The following SLC8A1 variants were observed in gnomAD, a reference collection of about 807,000 sequenced individuals.
SLC8A1 encodes sodium/calcium exchanger 1.
A neutral mutation model predicts 68.3 loss-of-function variants in SLC8A1; 18 were observed. That is an observed-to-expected ratio of 0.26 (90% CI 0.18 to 0.39). The LOEUF is 0.39. Ranked by LOEUF, SLC8A1 falls within the 10% of genes least tolerant of loss-of-function variation. The probability of loss-of-function intolerance (pLI) is 1.00; values close to 1 mark genes in which losing one functional copy is unlikely to be tolerated. For missense variants in SLC8A1, 985 were observed against 1,156.7 expected (o/e 0.85, Z 2.15); for synonymous variants, 475 against 415.5 (o/e 1.14, Z -1.74).
At chr2:40,465,112 G>A (rs190594502) in intron 1 of SLC8A1, among the ~76,000 whole-genome samples, 253 of 152,182 alleles carry the variant, frequency 1.7e-3, no homozygotes, top group Non-Finnish European at 2.9e-3. Flanking sequence ...CCACTCCCTC[G>A]GGGGCAATTT....
chr2:40,117,108 TTTG>T (rs1427548284), intron 7 of SLC8A1: 1 of 152,190 alleles, frequency 6.6e-6, no homozygotes, highest in Non-Finnish European at 1.5e-5. Flanking sequence ...AGAGGCTGTT[TTTG>T]TTGTTTTGGA....
At chr2:40,277,934 A>G (rs532150448) in intron 2 of SLC8A1, among the ~76,000 whole-genome samples, 1 of 151,534 alleles carries the variant, frequency 6.6e-6, no homozygotes, top group Non-Finnish European at 1.5e-5. Context: ...CATAACATAA[A>G]TATGTTGTTA....
At chr2:40,310,117 G>A (rs933579153) in intron 2 of SLC8A1, among the ~76,000 whole-genome samples, 1 of 152,150 alleles carries the variant, frequency 6.6e-6, no homozygotes, top group East Asian at 1.9e-4. Context: ...GTTTATTCAT[G>A]TCATACATGT....
In SLC8A1 at chr2:40,457,138, T is replaced by C. The variant is rs184730462; in HGVS notation, c.-24-26834A>G. ...CCTGCTACAACTAAAATTTTGATTGTCACATTACATTAATTTTATTAACTG... is the reference window on the plus strand; with the variant it reads ...CCTGCTACAACTAAAATTTTGATTGCCACATTACATTAATTTTATTAACTG... On this transcript the variant is annotated intron_variant, in intron 1 of 7. Transcript: ENST00000402441. 1.3e-4 allele frequency among the ~76,000 whole-genome samples: 20 copies of C among 152,324 alleles called. No individual in the cohort carries two copies. In the East Asian group the frequency reaches 3.7e-3, roughly 28 times the overall value.
At chr2:40,336,683 C>A (rs1233436655) in intron 2 of SLC8A1, among the ~76,000 whole-genome samples, 2 of 152,106 alleles carry the variant, frequency 1.3e-5, no homozygotes, top group Non-Finnish European at 2.9e-5. Flanking sequence ...CTTTCGTTCA[C>A]AAAAATACAG....
chr2:40,262,119 C>T (rs528812549), intron 2 of SLC8A1, among the ~76,000 whole-genome samples: 53 of 152,142 alleles, frequency 3.5e-4, no homozygotes, highest in East Asian at 5.8e-4. Flanking sequence ...CGCGCCATCA[C>T]GCCCAGCTAA....
At chr2:40,263,874 G>C (rs1289978420) in intron 2 of SLC8A1, among the ~76,000 whole-genome samples, 31 of 152,084 alleles carry the variant, frequency 2.0e-4, no homozygotes, top group African/African-American at 3.1e-4. Context: ...TAAAGAGCTT[G>C]TGCACAGCAA....
At chr2:40,489,333 G>T (rs1339500991) in intron 1 of SLC8A1, among the ~76,000 whole-genome samples, 1 of 152,078 alleles carries the variant, frequency 6.6e-6, no homozygotes, top group Non-Finnish European at 1.5e-5. Flanking sequence ...AAACCAAAAA[G>T]CATACGTGCA....
chr2:40,427,742 G>C (rs1014945684), intron 2 of SLC8A1, among the ~76,000 whole-genome samples: 2 of 152,116 alleles, frequency 1.3e-5, no homozygotes, highest in Non-Finnish European at 2.9e-5. Context: ...CCTGCTCCCT[G>C]ACAACTAGAC....
rs750444961 is a variant in SLC8A1, at chr2:40,197,642, A to G, written c.1809-19787T>C. On this transcript the variant is annotated intron_variant, in intron 2 of 7. Transcript: ENST00000406785. ...CTGCTTCCATTTTCCAAACTCTTAT[A>G]AGGACTCTAAAGGAAATTCAGTATT... 4.8e-4 allele frequency among the ~76,000 whole-genome samples: 73 copies of G among 151,984 alleles called. 1 individual carries two copies. Among genetic ancestry groups the G allele is most frequent in the South Asian group, 2.1e-3 (10 of 4,818 alleles).
chr2:40,178,191 C>T (rs949890054), intron 2 of SLC8A1, among the ~76,000 whole-genome samples, 196 bp downstream of exon 3: 5 of 152,198 alleles, frequency 3.3e-5, no homozygotes, highest in Admixed American at 2.0e-4. Context: ...ATCTCTCAGA[C>T]GTTAATGTGC....
chr2:40,099,397 C>A (rs1396261179), exon 8 of SLC8A1: 4 of 151,960 alleles, frequency 2.6e-5, no homozygotes, highest in Non-Finnish European at 5.9e-5. Context: ...ACTGATAAAC[C>A]ACCACTAAGG....
chr2:40,495,399 C>A (rs116268970), intron 1 of SLC8A1, among the ~76,000 whole-genome samples: 1,845 of 152,028 alleles, frequency 0.012, 40 homozygotes, highest in African/African-American at 0.042. Context: ...AGGAGGAAAG[C>A]GAAGGATCCG....
intron 2 of SLC8A1, among the ~76,000 whole-genome samples, chr2:40,346,002 TAAAGTA>T (rs1669128682): frequency 9.2e-6 from 1 of 109,190 alleles, no homozygotes; most frequent in Non-Finnish European, 1.9e-5. Context: ...CCCCAGAACT[TAAAGTA>T]AAATTAAAAT....
chr2:40,213,850 T>A (rs1344988202), intron 2 of SLC8A1, among the ~76,000 whole-genome samples: 1 of 152,178 alleles, frequency 6.6e-6, no homozygotes, highest in Non-Finnish European at 1.5e-5. Flanking sequence ...CAAGCTTGCT[T>A]TGGGTGTTCC....
rs1679314533 is a variant in SLC8A1 at position 40,374,921 on chromosome 2, G to A, written c.1808+53552C>T. The stretch of plus-strand genomic sequence containing the variant: ...ACTCGTCAATATCCACTAAAAAGGA[G>A]CCCCTTATATTTTCATCTTCCTTAT... On this transcript the variant is annotated intron_variant, in intron 2 of 7. Coordinates refer to ENST00000406785, the Ensembl canonical transcript of SLC8A1. 3.9e-5 allele frequency among the ~76,000 whole-genome samples: 6 copies of A among 152,028 alleles called. No homozygotes were observed. In the South Asian group the frequency reaches 1.2e-3, roughly 32 times the overall value.
intron 2 of SLC8A1, among the ~76,000 whole-genome samples, chr2:40,287,369 T>C (rs1559102030): frequency 6.6e-6 from 1 of 152,138 alleles, no homozygotes; most frequent in African/African-American, 2.4e-5. Flanking sequence ...CAGCAGTCTA[T>C]ACGTGTTCTC....
At chr2:40,215,864 C>G (rs2148809427) in intron 2 of SLC8A1, among the ~76,000 whole-genome samples, 1 of 152,052 alleles carries the variant, frequency 6.6e-6, no homozygotes, top group East Asian at 1.9e-4. Context: ...TCCAATCATT[C>G]CATAGTTCTC....
upstream of SLC8A1, among the ~76,000 whole-genome samples, chr2:40,453,595 C>A (rs577980310): frequency 2.0e-5 from 3 of 152,280 alleles, no homozygotes; most frequent in African/African-American, 7.2e-5. Flanking sequence ...TTAGGCCACA[C>A]CCCCAAACTG....
Sources: allele counts gnomAD v4.1 joint callset (sites outside exome capture counted in the v4.1 genomes callset), GRCh38; gene constraint gnomAD v4.1.1; transcripts MANE v1.5; gene names NCBI Gene and HGNC (gene_info 2026-07-23, HGNC 2026-07-21).